The following FGF12 variants were observed in gnomAD, a reference collection of about 807,000 sequenced individuals.
FGF12 encodes fibroblast growth factor 12.
Under a neutral mutation model 23.6 loss-of-function variants are expected in FGF12, and 14 were observed. The observed-to-expected ratio is 0.59, with a 90% CI of 0.39 to 0.93. FGF12 has a LOEUF of 0.93. Ranked by LOEUF, FGF12 falls within the 40% of genes least tolerant of loss-of-function variation. The pLI is 0.00. For synonymous variants in FGF12, 62 were observed against 77.3 expected (o/e 0.80, Z 1.04); for missense variants, 175 against 217.8 (o/e 0.80, Z 1.24).
At chr3:192,680,043 C>G (rs1482212440) in intron 2 of FGF12, among the ~76,000 whole-genome samples, 1 of 152,136 alleles carries the variant, frequency 6.6e-6, no homozygotes, top group Non-Finnish European at 1.5e-5. Context: ...GATTTCTATA[C>G]TAAGGGCTTT....
chr3:192,288,691 C>G (rs561167658), intron 4 of FGF12, among the ~76,000 whole-genome samples: 26 of 152,112 alleles, frequency 1.7e-4, no homozygotes, highest in African/African-American at 5.5e-4. Flanking sequence ...CAAACTAATT[C>G]TTATTTAATG....
intron 2 of FGF12, among the ~76,000 whole-genome samples, chr3:192,583,025 C>T (rs910326884): frequency 7.9e-5 from 12 of 152,168 alleles, no homozygotes; most frequent in African/African-American, 2.9e-4. Flanking sequence ...CTCAATCTTT[C>T]CAGACCATCC....
intron 4 of FGF12, among the ~76,000 whole-genome samples, chr3:192,224,354 A>G (rs1381116079): frequency 6.6e-6 from 1 of 152,160 alleles, no homozygotes; most frequent in South Asian, 2.1e-4. Context: ...CTGGAAGAAG[A>G]TAACATTTCT....
intron 4 of FGF12, among the ~76,000 whole-genome samples, chr3:192,270,651 C>A (rs548280625): frequency 1.3e-5 from 2 of 152,084 alleles, no homozygotes; most frequent in Admixed American, 1.3e-4. Flanking sequence ...CAAAGGTAAA[C>A]TAAAATGACA....
intron 4 of FGF12, among the ~76,000 whole-genome samples, chr3:192,297,522 A>G (rs892812738): frequency 2.6e-5 from 4 of 152,232 alleles, no homozygotes; most frequent in African/African-American, 9.6e-5. Context: ...ACGTCAATGC[A>G]GGCTTTAGCA....
rs114483282 is a variant in FGF12 at position 192,446,873 on chromosome 3, C to T, written c.14-86335G>A. On this transcript the variant is annotated intron_variant, in intron 2 of 5. Coordinates refer to ENST00000445105, the MANE Select transcript of FGF12 (RefSeq NM_004113.6). ...CACTTCCCAACAATTCCTCAGTCTT[C>T]CTGAGATCCCTAATCCTTCGTTCTC... 8.2e-3 allele frequency among the ~76,000 whole-genome samples: 1,242 copies of T among 152,326 alleles called. 15 individuals are homozygous for T. The highest frequency in any genetic ancestry group is 0.029 in the African/African-American group (1,185 of 41,568).
intron 2 of FGF12, among the ~76,000 whole-genome samples, chr3:192,617,950 T>C (rs1301775848): frequency 6.6e-6 from 1 of 151,924 alleles, no homozygotes; most frequent in Non-Finnish European, 1.5e-5. Context: ...TAAGAACATA[T>C]ATATAGGAAA....
chr3:192,302,581 G>C (rs959630853), intron 4 of FGF12, among the ~76,000 whole-genome samples: 3 of 152,168 alleles, frequency 2.0e-5, no homozygotes, highest in Non-Finnish European at 2.9e-5. Context: ...TAGGTCCCAG[G>C]AATTCCAAAT....
chr3:192,422,370 C>G (rs1721561117), intron 2 of FGF12, among the ~76,000 whole-genome samples: 1 of 152,092 alleles, frequency 6.6e-6, no homozygotes, highest in African/African-American at 2.4e-5. Flanking sequence ...AAATATAGTG[C>G]TCACCGACAT....
At chr3:192,603,676 G>T (rs1335465831) in intron 2 of FGF12, among the ~76,000 whole-genome samples, 1 of 151,922 alleles carries the variant, frequency 6.6e-6, no homozygotes, top group Admixed American at 6.6e-5. Context: ...AAGGGGAGGG[G>T]GTGTCTGAAC....
At chr3:192,334,981 C>T (rs1717321665) in intron 4 of FGF12, among the ~76,000 whole-genome samples, 1 of 152,044 alleles carries the variant, frequency 6.6e-6, no homozygotes, top group Non-Finnish European at 1.5e-5. Flanking sequence ...AGGACAGAGA[C>T]TATTTCCAGA....
intron 4 of FGF12, among the ~76,000 whole-genome samples, chr3:192,246,475 C>T (rs1274542933): frequency 1.3e-5 from 2 of 152,074 alleles, no homozygotes; most frequent in African/African-American, 4.8e-5. Context: ...AGATAGTATG[C>T]AGGCTTTTCC....
At chr3:192,493,331 G>T (rs1353220207) in intron 2 of FGF12, among the ~76,000 whole-genome samples, 1 of 152,140 alleles carries the variant, frequency 6.6e-6, no homozygotes, top group African/African-American at 2.4e-5. Context: ...AGCACAGTTA[G>T]CTGTTAAGTA....
At chr3:192,472,342 C>T (rs1191624461) in intron 2 of FGF12, among the ~76,000 whole-genome samples, 3 of 152,124 alleles carry the variant, frequency 2.0e-5, no homozygotes, top group Non-Finnish European at 4.4e-5. Context: ...GTAGACACCA[C>T]ACTCCCTTAT....
At chr3:192,602,726 A>ACCCC (rs1560165957) in intron 2 of FGF12, among the ~76,000 whole-genome samples, 286 of 151,724 alleles carry the variant, frequency 1.9e-3, no homozygotes, top group Middle Eastern at 3.4e-3. Context: ...AAGGCCCAAA[A>ACCCC]AAAAAAAAAA....
At position 192,354,194 on chromosome 3, in the gene FGF12, T is replaced by A. The variant is rs115080066; in HGVS notation, c.124+6234A>T. Among the ~76,000 whole-genome samples the A allele has an allele frequency of 2.9e-3, 439 of 152,350 alleles. 4 individuals are homozygous for A. Among genetic ancestry groups the A allele is most frequent in the African/African-American group, 0.01 (430 of 41,582 alleles). On this transcript the variant is annotated intron_variant, in intron 3 of 5. Coordinates refer to ENST00000445105, the MANE Select transcript of FGF12 (RefSeq NM_004113.6). ...GTTGCTAAACTCACAGTGAATTTAG[T>A]ACGTTCATAAAATCTAATGAAAGTG...
At chr3:192,727,154 A>G (rs915408486) in intron 2 of FGF12, 27 bp downstream of exon 2, 24 of 1,571,240 alleles carry the variant, frequency 1.5e-5, no homozygotes, top group Non-Finnish European at 1.8e-5. Flanking sequence ...TGCAGCGGGA[A>G]GTCCCCCGAT....
intron 2 of FGF12, among the ~76,000 whole-genome samples, chr3:192,685,552 A>G (rs12696658): frequency 0.56 from 84,355 of 151,910 alleles, 24,025 homozygotes; most frequent in East Asian, 0.82. Context: ...ATAACTGTAA[A>G]ACAGTTTCTT....
intron 2 of FGF12, among the ~76,000 whole-genome samples, chr3:192,672,256 T>C (rs979256504): frequency 3.3e-5 from 5 of 151,152 alleles, no homozygotes; most frequent in African/African-American, 9.7e-5. Flanking sequence ...CCAGACCAAA[T>C]GCTTTGAGGG....
Sources: allele counts gnomAD v4.1 joint callset (sites outside exome capture counted in the v4.1 genomes callset), GRCh38; gene constraint gnomAD v4.1.1; transcripts MANE v1.5; gene names NCBI Gene and HGNC (gene_info 2026-07-23, HGNC 2026-07-21).